The following SLC35E3 variants were observed in gnomAD, a reference collection of about 807,000 sequenced individuals.
SLC35E3 encodes the protein solute carrier family 35 member E3, also known as bladder cancer-overexpressed gene 1 protein.
SLC35E3 carries 28 observed loss-of-function variants against 30.8 expected under a neutral mutation model. The observed-to-expected ratio is 0.91, with a 90% CI of 0.67 to 1.25. SLC35E3 has a LOEUF of 1.25. Ranked by LOEUF, SLC35E3 falls within the 50% of genes most tolerant of loss-of-function variation. SLC35E3 has a pLI of 0.00. For synonymous variants in SLC35E3, 146 were observed against 149.2 expected, an observed-to-expected ratio of 0.98 and a Z score of 0.16; for missense variants, 365 against 375.4, an observed-to-expected ratio of 0.97 and a Z score of 0.23.
Position 68,746,506 on chromosome 12 carries a change from C to G in SLC35E3, c.129C>G (p.Asn43Lys). 6.2e-7 allele frequency: 1 copy of G among 1,614,266 alleles called. No individual in the cohort carries two copies. Among genetic ancestry groups the G allele is most frequent in the Non-Finnish European group, 8.5e-7 (1 of 1,180,040 alleles). The change falls in exon 1 of 5, where the codon AAC becomes AAG. Residue 43 changes from asparagine (N) to lysine (K), a missense_variant. By Grantham distance (94) the Asn-to-Lys change is moderately conservative (BLOSUM62 0). Transcript: ENST00000398004. ...TTTATGTGTACCACGGCTTCCCCAA[C>G]ATGAGCCTGACCCTGGTGCACTTCG... Reference protein sequence around the residue: ...KWIYVYHGFPNMSLTLVHFVV... With the variant: ...KWIYVYHGFPKMSLTLVHFVV...
intron 3 of SLC35E3, among the ~76,000 whole-genome samples, chr12:68,754,003 C>T (rs1030471648): frequency 6.6e-6 from 1 of 152,042 alleles, no homozygotes; most frequent in Non-Finnish European, 1.5e-5. Flanking sequence ...CACACCACCA[C>T]GCCCAGCTAA....
chr12:68,762,981 C>T (rs1879274975), intron 4 of SLC35E3, among the ~76,000 whole-genome samples: 1 of 152,178 alleles, frequency 6.6e-6, no homozygotes, highest in Admixed American at 6.5e-5. Context: ...AGTGTGGGAA[C>T]TCTCAGGGTC....
Position 68,764,691 on chromosome 12 carries a change from C to T in SLC35E3, c.756-13C>T. The T allele has an allele frequency of 6.2e-7, 1 of 1,610,380 alleles. No homozygotes were observed. The highest frequency in any genetic ancestry group is 8.5e-7 in the Non-Finnish European group (1 of 1,177,716). ...TCTTGTTATTCCTTTTTATCCTTAT[C>T]CAAAAACCTCAGCTATAACATGTTC... On this transcript the variant is annotated splice_polypyrimidine_tract_variant and intron_variant, in intron 4 of 4. Coordinates refer to ENST00000398004, the MANE Select transcript of SLC35E3 (RefSeq NM_018656.5).
At chr12:68,757,869 C>T (rs1011338517) in intron 3 of SLC35E3, among the ~76,000 whole-genome samples, 3 of 148,954 alleles carry the variant, frequency 2.0e-5, no homozygotes, top group African/African-American at 4.9e-5. Flanking sequence ...GTGCAGATCA[C>T]CTGAGGTCAG....
rs147387066 is a variant in SLC35E3, at chr12:68,775,574, A to G, written c.*10684A>G. On this transcript the variant is annotated 3_prime_UTR_variant, in exon 5 of 5. Transcript: ENST00000398004. ...GACCCAGTCACCTTTTAAAGGCGCC[A>G]TCTCTCAATATTGCCACATTGGGGA... 2.0e-5 allele frequency: 3 copies of G among 152,342 alleles called. No individual in the cohort carries two copies. In the East Asian group the frequency reaches 5.8e-4, roughly 29 times the overall value. 9.4% of individuals were successfully genotyped at this position (152,342 alleles called of 1,614,324 possible). A position where few individuals can be genotyped will look rare whatever the true frequency, so the allele number is the denominator to read the frequency against.
intron 2 of SLC35E3, among the ~76,000 whole-genome samples, chr12:68,749,697 G>T (rs1469779444): frequency 6.6e-6 from 1 of 152,168 alleles, no homozygotes; most frequent in African/African-American, 2.4e-5. Context: ...AAATTGAAGG[G>T]CACACAGAAA....
intron 3 of SLC35E3, 28 bp from the exon 4 acceptor site, chr12:68,759,129 A>C (rs771853315): frequency 5.3e-6 from 8 of 1,495,784 alleles, no homozygotes; most frequent in Non-Finnish European, 9.3e-7. Context: ...AGTGCTTTGC[A>C]TTAATGGTTC....
intron 4 of SLC35E3, among the ~76,000 whole-genome samples, chr12:68,761,762 T>C (rs553818382): frequency 2.7e-4 from 41 of 152,180 alleles, no homozygotes; most frequent in Non-Finnish European, 5.0e-4. Context: ...TAAGAAGTGA[T>C]TGGATTCTGG....
At chr12:68,761,442 A>G (rs1879230215) in intron 4 of SLC35E3, among the ~76,000 whole-genome samples, 2 of 152,218 alleles carry the variant, frequency 1.3e-5, no homozygotes, top group Non-Finnish European at 2.9e-5. Context: ...TGTGTTGAGA[A>G]TAGACTTAAG....
intron 2 of SLC35E3, among the ~76,000 whole-genome samples, chr12:68,749,919 A>G (rs1878730066): frequency 6.6e-6 from 1 of 152,178 alleles, no homozygotes; most frequent in Non-Finnish European, 1.5e-5. Context: ...AGAGGAGTTC[A>G]GACAGGGACT....
intron 2 of SLC35E3, among the ~76,000 whole-genome samples, chr12:68,750,088 A>G (rs1221061909): frequency 1.3e-5 from 2 of 152,124 alleles, no homozygotes; most frequent in Non-Finnish European, 2.9e-5. Context: ...GGACAGGGAA[A>G]GGTTAAAAGG....
chr12:68,748,026 T>A lies in SLC35E3; in HGVS notation c.499T>A (p.Ser167Thr), dbSNP rs545700225. Reference sequence around the variant, plus strand: ...TGCTGCTCTTGGTGTTTTAGTTACATCCCTTTATCAAGTGGTTGGTAATTT... The same window carrying A: ...TGCTGCTCTTGGTGTTTTAGTTACAACCCTTTATCAAGTGGTTGGTAATTT... The part of the protein sequence containing the change: ...VFAALGVLVT[S>T]LYQVWVGAKQ... The change falls in exon 2 of 5, where the codon TCC (serine) becomes ACC (threonine). Residue 167 changes from serine to threonine, a missense_variant. Transcript: ENST00000398004. 4 of 1,600,146 alleles carry A rather than the reference T, an allele frequency of 2.5e-6. No homozygotes were observed. The highest frequency in any genetic ancestry group is 3.4e-6 in the Non-Finnish European group (4 of 1,169,592).
In SLC35E3 at chr12:68,770,698, G is replaced by C. The variant is rs1879579854; in HGVS notation, c.*5808G>C. 6.6e-6 allele frequency: 1 copy of C among 152,186 alleles called. No homozygotes were observed. The highest frequency in any genetic ancestry group is 1.5e-5 in the Non-Finnish European group (1 of 68,152). 9.4% of individuals were successfully genotyped at this position (152,186 alleles called of 1,614,324 possible). A position where few individuals can be genotyped will look rare whatever the true frequency, so the allele number is the denominator to read the frequency against. ...AAGAATACAAAATTAGCTGGGCATG[G>C]TGGTGTGGGCCTGTGGTCCCAGCTA... On this transcript the variant is annotated 3_prime_UTR_variant, in exon 5 of 5. Transcript: ENST00000398004.
Position 68,746,391 on chromosome 12 carries a change from T to G in SLC35E3, c.14T>G (p.Val5Gly). MALL[V>G]DRVRGHWRIA... ...TTCGCGGGGATCATGGCATTGCTGG[T>G]GGACCGAGTGCGGGGCCACTGGCGA... Residue 5 changes from valine to glycine, a missense_variant, in exon 1 of 5, where the codon GTG becomes GGG. By Grantham distance (109) the Val-to-Gly change is moderately radical. Coordinates refer to ENST00000398004, the MANE Select transcript of SLC35E3 (RefSeq NM_018656.5). 14 of 1,596,646 alleles carry G rather than the reference T, an allele frequency of 8.8e-6. No homozygotes were observed. Among genetic ancestry groups the G allele is most frequent in the Non-Finnish European group, 1.2e-5 (14 of 1,170,352 alleles).
intron 3 of SLC35E3, among the ~76,000 whole-genome samples, chr12:68,758,277 G>A (rs915525215): frequency 2.0e-5 from 3 of 151,940 alleles, no homozygotes; most frequent in South Asian, 2.1e-4. Flanking sequence ...AAAATTAGCC[G>A]GGCGCAGTGG....
At position 68,764,708 on chromosome 12, in the gene SLC35E3, A is replaced by G. The variant is rs1455659083; in HGVS notation, c.760A>G (p.Asn254Asp). The G allele has an allele frequency of 6.2e-7, 1 of 1,613,452 alleles. No homozygotes were observed. Among genetic ancestry groups the G allele is most frequent in the Non-Finnish European group, 8.5e-7 (1 of 1,179,630 alleles). Residue 254 changes from asparagine to aspartate, a missense_variant, in exon 5 of 5, where the codon AAC becomes GAC. By Grantham distance (23) the Asn-to-Asp change is conservative. Coordinates refer to ENST00000398004, the MANE Select transcript of SLC35E3 (RefSeq NM_018656.5). ...IIGNTSPVTY[N>D]MFGHFKFCIT... Reference sequence around the variant, plus strand: ...ATCCTTATCCAAAAACCTCAGCTATAACATGTTCGGACACTTCAAGTTCTG... The same window carrying G: ...ATCCTTATCCAAAAACCTCAGCTATGACATGTTCGGACACTTCAAGTTCTG...
Position 68,767,143 on chromosome 12 carries a change from T to C in SLC35E3, c.*2253T>C, listed in dbSNP as rs906634717. On this transcript the variant is annotated 3_prime_UTR_variant, in exon 5 of 5. Coordinates refer to ENST00000398004, the MANE Select transcript of SLC35E3 (RefSeq NM_018656.5). ...AAATACATGATTTCCATTTATGGAG[T>C]GCTACATGTTTGCAAAATGTATTTC... 3 of 152,470 alleles carry C rather than the reference T, an allele frequency of 2.0e-5. No individual in the cohort carries two copies. Among genetic ancestry groups the C allele is most frequent in the Non-Finnish European group, 4.4e-5 (3 of 68,248 alleles). 9.4% of individuals were successfully genotyped at this position (152,470 alleles called of 1,614,324 possible).
In SLC35E3 at chr12:68,759,152, T is replaced by G. The variant is rs1475706655; in HGVS notation, c.673-5T>G. On this transcript the variant is annotated splice_region_variant and splice_polypyrimidine_tract_variant and intron_variant, in intron 3 of 4. Transcript: ENST00000398004. Reference sequence around the variant, plus strand: ...GCATTAATGGTTCTTTTGGTTTATTTGTAGCTTATGGTGCTGCTATCTGGA... The same window carrying G: ...GCATTAATGGTTCTTTTGGTTTATTGGTAGCTTATGGTGCTGCTATCTGGA... 5 of 1,605,870 alleles carry G rather than the reference T, an allele frequency of 3.1e-6. No homozygotes were observed. Among genetic ancestry groups the G allele is most frequent in the East Asian group, 2.2e-5 (1 of 44,788 alleles).
Position 68,777,429 on chromosome 12 carries a change from T to C in SLC35E3, c.*12539T>C, listed in dbSNP as rs1879774230. On this transcript the variant is annotated 3_prime_UTR_variant, in exon 5 of 5. Coordinates refer to ENST00000398004, the MANE Select transcript of SLC35E3 (RefSeq NM_018656.5). ...CATACCTCCAAAATCTCACTGCTGT[T>C]CTGAAACGCAAGAGATTTTGCCAAG... 6.6e-6 allele frequency: 1 copy of C among 152,222 alleles called. No homozygotes were observed. Among genetic ancestry groups the C allele is most frequent in the East Asian group, 1.9e-4 (1 of 5,198 alleles). The allele number at this position is 152,222 out of a possible 1,614,324, so 9.4% of individuals were successfully genotyped here. A position where few individuals can be genotyped will look rare whatever the true frequency, so the allele number is the denominator to read the frequency against.
Sources: allele counts gnomAD v4.1 joint callset (sites outside exome capture counted in the v4.1 genomes callset), GRCh38; gene constraint gnomAD v4.1.1; transcripts MANE v1.5; gene names NCBI Gene and HGNC (gene_info 2026-07-23, HGNC 2026-07-21).